The following CCBE1 variants were observed in gnomAD, a reference collection of about 807,000 sequenced individuals.
CCBE1 encodes collagen and calcium binding EGF domains 1, also known as collagen and calcium-binding EGF domain-containing protein 1.
A neutral mutation model predicts 50.0 loss-of-function variants in CCBE1; 37 were observed. The observed-to-expected ratio is 0.74, with a 90% CI of 0.57 to 0.97. The LOEUF (loss-of-function observed/expected upper bound fraction) is 0.97, where lower values mean the gene tolerates loss of function less well. CCBE1 is among the 50% of genes least tolerant of loss of function. The pLI is 0.00. For missense variants in CCBE1, 538 were observed against 523.8 expected (o/e 1.03, Z -0.26); for synonymous variants, 234 against 203.7 (o/e 1.15, Z -1.27).
chr18:59,654,588 T>A (rs1043242821), intron 2 of CCBE1, among the ~76,000 whole-genome samples: 5 of 150,840 alleles, frequency 3.3e-5, no homozygotes, highest in African/African-American at 1.2e-4. Flanking sequence ...CGCGCCACTG[T>A]ACTCCAGCCT....
chr18:59,618,377 T>C (rs888305975), intron 2 of CCBE1, among the ~76,000 whole-genome samples: 2 of 152,080 alleles, frequency 1.3e-5, no homozygotes, highest in African/African-American at 4.8e-5. Flanking sequence ...TAGCCAACTC[T>C]TATTCCCAGA....
chr18:59,509,228 T>A (rs1260614715), intron 2 of CCBE1, among the ~76,000 whole-genome samples: 1 of 152,142 alleles, frequency 6.6e-6, no homozygotes, highest in Non-Finnish European at 1.5e-5. Flanking sequence ...TTTATCAACA[T>A]TGGTAGTTAA....
At chr18:59,472,968 G>A (rs1200770404) in intron 3 of CCBE1, among the ~76,000 whole-genome samples, 4 of 152,114 alleles carry the variant, frequency 2.6e-5, no homozygotes, top group East Asian at 1.9e-4. Flanking sequence ...ACCACCATGA[G>A]AACAGTATGG....
At chr18:59,567,064 C>G (rs181855062) in intron 2 of CCBE1, among the ~76,000 whole-genome samples, 106 of 152,318 alleles carry the variant, frequency 7.0e-4, no homozygotes, top group African/African-American at 2.6e-3. Context: ...CTAAGGTCTC[C>G]TCTCATCATG....
At chr18:59,593,134 G>T (rs1312047623) in intron 2 of CCBE1, among the ~76,000 whole-genome samples, 1 of 152,152 alleles carries the variant, frequency 6.6e-6, no homozygotes, top group Non-Finnish European at 1.5e-5. Flanking sequence ...TTATTGTCCT[G>T]GGTGGTGGCC....
At chr18:59,641,089 A>G (rs1451030433) in intron 2 of CCBE1, among the ~76,000 whole-genome samples, 2 of 152,182 alleles carry the variant, frequency 1.3e-5, no homozygotes, top group Non-Finnish European at 2.9e-5. Flanking sequence ...AGAACTTTAA[A>G]CAGTGACCCC....
intron 5 of CCBE1, among the ~76,000 whole-genome samples, chr18:59,465,193 C>T (rs1911682613): frequency 6.6e-6 from 1 of 152,220 alleles, no homozygotes; most frequent in Non-Finnish European, 1.5e-5. Flanking sequence ...AGGCTAAAAT[C>T]CTACATTTTC....
At chr18:59,672,043 T>C (rs1339959887) in intron 2 of CCBE1, among the ~76,000 whole-genome samples, 1 of 152,174 alleles carries the variant, frequency 6.6e-6, no homozygotes, top group Non-Finnish European at 1.5e-5. Flanking sequence ...CACATAGAAT[T>C]CTATGTGCAT....
At chr18:59,696,444 G>A (rs2054804564) in intron 2 of CCBE1, 185 bp downstream of exon 2, 2 of 1,443,246 alleles carry the variant, frequency 1.4e-6, no homozygotes, top group Admixed American at 4.3e-5. Context: ...CAGTTGCTCA[G>A]TGTTGCTCTG....
chr18:59,604,883 TGATA>T (rs1357310364), intron 2 of CCBE1, among the ~76,000 whole-genome samples: 4 of 152,216 alleles, frequency 2.6e-5, no homozygotes, highest in Non-Finnish European at 5.9e-5. Flanking sequence ...CTAAGATGCT[TGATA>T]GGTAGGGTCA....
intron 2 of CCBE1, among the ~76,000 whole-genome samples, chr18:59,547,005 A>AG (rs1441774010): frequency 1.5e-5 from 2 of 131,890 alleles, no homozygotes; most frequent in African/African-American, 2.8e-5. Flanking sequence ...CAGGACCATC[A>AG]GGGCTGTGGT....
At chr18:59,693,229 T>C (rs1277717047) in intron 2 of CCBE1, among the ~76,000 whole-genome samples, 1 of 152,108 alleles carries the variant, frequency 6.6e-6, no homozygotes, top group Non-Finnish European at 1.5e-5. Flanking sequence ...AATGGCTCAG[T>C]CCTCTCTGGA....
rs1568136925 is a variant in CCBE1 at position 59,435,944 on chromosome 18, T to A, written c.1185A>T (p.Thr395=). ...SGDDHPRRTE[T]RDLRAPRDFY... The stretch of plus-strand genomic sequence containing the variant: ...AGTCTCTGGGGGCTCTCAAGTCTCT[T>A]GTCTCAGTTCTTCTTGGATGGTCAT... The change falls in exon 11 of 11, where the codon ACA becomes ACT. Residue 395 remains threonine (T), a synonymous_variant. Transcript: ENST00000439986. The A allele has an allele frequency of 6.2e-7, 1 of 1,614,134 alleles. No homozygotes were observed. The highest frequency in any genetic ancestry group is 1.1e-5 in the South Asian group (1 of 91,070).
intron 2 of CCBE1, among the ~76,000 whole-genome samples, chr18:59,644,314 G>A (rs1431628630): frequency 1.3e-5 from 2 of 152,172 alleles, no homozygotes; most frequent in Non-Finnish European, 2.9e-5. Flanking sequence ...CCAGTCTGCA[G>A]CCCAGGAGTT....
chr18:59,633,602 T>C (rs964885810), intron 2 of CCBE1, among the ~76,000 whole-genome samples: 2 of 152,216 alleles, frequency 1.3e-5, no homozygotes, highest in Non-Finnish European at 2.9e-5. Context: ...TAATAAAGGA[T>C]ACTCAGCCAG....
chr18:59,465,679 T>TCC (rs1911707907), intron 5 of CCBE1: 1 of 152,244 alleles, frequency 6.6e-6, no homozygotes, highest in Non-Finnish European at 1.5e-5. Context: ...TTAAACACTC[T>TCC]CAATTTTTGT....
At chr18:59,551,026 A>AC (rs1568201653) in intron 2 of CCBE1, among the ~76,000 whole-genome samples, 6 of 117,778 alleles carry the variant, frequency 5.1e-5, no homozygotes, top group African/African-American at 1.4e-4. Context: ...AAAAAAAAAA[A>AC]AAAGAAAAGA....
At chr18:59,511,248 T>C (rs1407092011) in intron 2 of CCBE1, among the ~76,000 whole-genome samples, 1 of 152,182 alleles carries the variant, frequency 6.6e-6, no homozygotes, top group Non-Finnish European at 1.5e-5. Flanking sequence ...GATACAAAGA[T>C]ACAGAAGACA....
chr18:59,691,957 T>A (rs1194888938), intron 2 of CCBE1, among the ~76,000 whole-genome samples: 1 of 150,092 alleles, frequency 6.7e-6, no homozygotes, highest in Non-Finnish European at 1.5e-5. Flanking sequence ...TAGTTCAGGC[T>A]ATGCCTTCCA....
Sources: gnomAD v4.1 joint callset for allele counts (sites outside exome capture counted in the v4.1 genomes callset) on GRCh38, gnomAD v4.1.1 for gene constraint, MANE v1.5 for transcripts, NCBI Gene and HGNC (gene_info 2026-07-23, HGNC 2026-07-21) for gene names.